The following CNTN5 variants were observed in gnomAD, a reference collection of about 807,000 sequenced individuals.
CNTN5 encodes contactin 5.
In CNTN5, 77 loss-of-function variants were observed where a neutral mutation model predicts 129.1. The observed-to-expected ratio is 0.60, with a 90% CI of 0.50 to 0.72. The LOEUF is 0.72. Ranked by LOEUF, CNTN5 falls within the 30% of genes least tolerant of loss-of-function variation. The pLI, the probability that CNTN5 is intolerant of heterozygous loss-of-function variation, is 0.00. For synonymous variants in CNTN5, 509 were observed against 465.6 expected, an observed-to-expected ratio of 1.09 and a Z score of -1.20; for missense variants, 1,478 against 1,328.8, an observed-to-expected ratio of 1.11 and a Z score of -1.75.
intron 13 of CNTN5, among the ~76,000 whole-genome samples, chr11:100,156,854 A>AT (rs1947260739): frequency 1.3e-5 from 2 of 151,726 alleles, no homozygotes; most frequent in Admixed American, 1.3e-4. Flanking sequence ...CCCCTTTACC[A>AT]TTTTTTAGTG....
chr11:99,438,207 T>A (rs1387616219), intron 2 of CNTN5, among the ~76,000 whole-genome samples: 1 of 152,210 alleles, frequency 6.6e-6, no homozygotes, highest in Non-Finnish European at 1.5e-5. Flanking sequence ...TAAAGCATGA[T>A]GAAAGTGCCA....
intron 21 of CNTN5, among the ~76,000 whole-genome samples, chr11:100,335,540 G>T (rs1952018109): frequency 6.6e-6 from 1 of 152,186 alleles, no homozygotes; most frequent in Non-Finnish European, 1.5e-5. Context: ...AGCCGAGGCA[G>T]GTGGATCACT....
intron 2 of CNTN5, among the ~76,000 whole-genome samples, chr11:99,334,088 G>A (rs1357976275): frequency 6.6e-6 from 1 of 151,758 alleles, no homozygotes; most frequent in African/African-American, 2.4e-5. Context: ...AAAAAGGCCA[G>A]CACATACACG....
chr11:100,143,840 T>C (rs967345379), intron 13 of CNTN5, among the ~76,000 whole-genome samples: 3 of 152,082 alleles, frequency 2.0e-5, no homozygotes, highest in Non-Finnish European at 4.4e-5. Flanking sequence ...AAGGCATTGG[T>C]AGGGAGAGAT....
At chr11:99,648,314 A>ATTGATTTCTATTAGGTACTGATT (rs1952037879) in intron 3 of CNTN5, among the ~76,000 whole-genome samples, 12 of 151,910 alleles carry the variant, frequency 7.9e-5, no homozygotes, top group Non-Finnish European at 1.5e-4. Flanking sequence ...AATTTGTAAA[A>ATTGATTTCTATTAGGTACTGATT]AATGTTCAGC....
intron 6 of CNTN5, among the ~76,000 whole-genome samples, chr11:99,912,591 T>C (rs1949689932): frequency 1.3e-5 from 2 of 151,892 alleles, no homozygotes; most frequent in South Asian, 2.1e-4. Context: ...ATCCCAAGTC[T>C]ACACTCCATC....
chr11:100,161,840 C>CAT (rs1947459533), intron 13 of CNTN5, among the ~76,000 whole-genome samples: 13 of 95,276 alleles, frequency 1.4e-4, no homozygotes, highest in African/African-American at 3.8e-4. Context: ...TACACACACA[C>CAT]ACACACACAC....
At chr11:99,233,172 C>T (rs1861090201) in intron 1 of CNTN5, among the ~76,000 whole-genome samples, 1 of 152,148 alleles carries the variant, frequency 6.6e-6, no homozygotes, top group East Asian at 1.9e-4. Context: ...CTTTATAGTG[C>T]TTTGTCACAG....
intron 2 of CNTN5, among the ~76,000 whole-genome samples, chr11:99,530,447 A>G (rs1222571863): frequency 2.0e-5 from 3 of 150,418 alleles, no homozygotes; most frequent in Admixed American, 1.3e-4. Context: ...AAGTCCTGCT[A>G]TGTGATACAC....
chr11:100,319,427 A>G (rs1951639401), intron 21 of CNTN5, among the ~76,000 whole-genome samples: 1 of 152,178 alleles, frequency 6.6e-6, no homozygotes, highest in Non-Finnish European at 1.5e-5. Flanking sequence ...TGCTGGGATT[A>G]CAGGCATGAG....
chr11:99,435,069 C>A (rs1943547890), intron 2 of CNTN5, among the ~76,000 whole-genome samples: 1 of 152,108 alleles, frequency 6.6e-6, no homozygotes, highest in East Asian at 1.9e-4. Context: ...ATATATAATT[C>A]TCATATCAGT....
intron 2 of CNTN5, among the ~76,000 whole-genome samples, chr11:99,533,681 G>A (rs569499262): frequency 1.3e-5 from 2 of 152,206 alleles, no homozygotes; most frequent in Non-Finnish European, 2.9e-5. Flanking sequence ...ACTGGTGGGG[G>A]TACAGGGAAC....
chr11:99,859,844 T>G (rs1948152894), intron 6 of CNTN5, among the ~76,000 whole-genome samples: 1 of 152,110 alleles, frequency 6.6e-6, no homozygotes, highest in African/African-American at 2.4e-5. Flanking sequence ...GAACTGTTTG[T>G]TTTATTTTGG....
intron 3 of CNTN5, among the ~76,000 whole-genome samples, chr11:99,656,856 C>T (rs923299528): frequency 6.6e-6 from 1 of 151,852 alleles, no homozygotes; most frequent in East Asian, 1.9e-4. Flanking sequence ...TCCAAAATAC[C>T]CACCAGAACG....
At chr11:99,616,801 ATAG>A (rs1950773279) in intron 3 of CNTN5, among the ~76,000 whole-genome samples, 1 of 152,178 alleles carries the variant, frequency 6.6e-6, no homozygotes, top group Non-Finnish European at 1.5e-5. Context: ...TAAGGAAAGC[ATAG>A]GTCCTTTAAA....
chr11:99,032,192 C>G (rs1218384736), intron 1 of CNTN5, among the ~76,000 whole-genome samples: 8 of 152,040 alleles, frequency 5.3e-5, no homozygotes, highest in South Asian at 4.2e-4. Flanking sequence ...TTGGTTCCAA[C>G]TCTTTGCTAT....
Position 99,234,001 on chromosome 11 carries a change from A to G in CNTN5, c.-209-91345A>G, listed in dbSNP as rs1402642779. 2.0e-5 allele frequency among the ~76,000 whole-genome samples: 3 copies of G among 152,206 alleles called. No individual in the cohort carries two copies. The East Asian group carries it at 5.8e-4, about 29-fold the overall frequency. On this transcript the variant is annotated intron_variant, in intron 1 of 24. Coordinates refer to ENST00000524871, the MANE Select transcript of CNTN5 (RefSeq NM_014361.4). Reference sequence around the variant, plus strand: ...TTGTTTTAACATTTGCTATAGAAATACAGCTCAAAGAGAGGATGTGAAATG... The same window carrying G: ...TTGTTTTAACATTTGCTATAGAAATGCAGCTCAAAGAGAGGATGTGAAATG...
chr11:100,074,555 CTAAT>C lies in CNTN5; in HGVS notation c.1580+264_1580+267del, dbSNP rs1591186265. 1.2e-5 allele frequency: 4 copies of C among 345,384 alleles called. No homozygotes were observed. In the East Asian group the frequency reaches 2.1e-4, roughly 18 times the overall value. 21.4% of individuals were successfully genotyped at this position (345,384 alleles called of 1,614,324 possible). A position where few individuals can be genotyped will look rare whatever the true frequency, so the allele number is the denominator to read the frequency against. ...TTGAAGAAAGTACTCTTTAATTAAACTAATTATTTTTGTTTGTTTTTCATCTTGC... is the reference window on the plus strand; with the variant it reads ...TTGAAGAAAGTACTCTTTAATTAAACTATTTTTGTTTGTTTTTCATCTTGC... On this transcript the variant is annotated intron_variant, in intron 13 of 24. Transcript: ENST00000524871.
intron 20 of CNTN5, among the ~76,000 whole-genome samples, chr11:100,300,141 G>A (rs1330342486): frequency 2.6e-5 from 4 of 151,400 alleles, no homozygotes; most frequent in Non-Finnish European, 4.4e-5. Flanking sequence ...TTTTACAGAT[G>A]AGTAAACTGT....
Sources: allele counts gnomAD v4.1 joint callset (sites outside exome capture counted in the v4.1 genomes callset), GRCh38; gene constraint gnomAD v4.1.1; transcripts MANE v1.5; gene names NCBI Gene and HGNC (gene_info 2026-07-23, HGNC 2026-07-21).